GABRG2: variants seen among roughly 807,000 people sequenced by gnomAD.
GABRG2 encodes the protein gamma-aminobutyric acid type A receptor subunit gamma2.
A neutral mutation model predicts 56.4 loss-of-function variants in GABRG2; 16 were observed. The ratio of observed to expected loss-of-function variants is 0.28; its 90% confidence interval spans 0.19 to 0.43. The LOEUF is 0.43. Ranked by LOEUF, GABRG2 falls within the 20% of genes least tolerant of loss-of-function variation. GABRG2 has a pLI of 1.00. For missense variants in GABRG2, 327 were observed against 582.7 expected (o/e 0.56, Z 4.52); for synonymous variants, 208 against 205.5 (o/e 1.01, Z -0.10).
intron 1 of GABRG2, among the ~76,000 whole-genome samples, chr5:162,093,598 A>G (rs957958391): frequency 6.6e-6 from 1 of 152,170 alleles, no homozygotes; most frequent in Non-Finnish European, 1.5e-5. Flanking sequence ...CTGGCAAAAC[A>G]TGGTTTATTT....
At chr5:162,142,838 A>T (rs1317380840) in intron 7 of GABRG2, 1 of 170,000 alleles carries the variant, frequency 5.9e-6, no homozygotes, top group East Asian at 1.5e-4. Flanking sequence ...AGCATGGCAC[A>T]TGTATACATA....
chr5:162,148,728 A>G (rs547466668), intron 7 of GABRG2, among the ~76,000 whole-genome samples: 1 of 152,278 alleles, frequency 6.6e-6, no homozygotes, highest in South Asian at 2.1e-4. Flanking sequence ...TTTACTTTAA[A>G]CATCAACCCC....
At chr5:162,106,996 C>T (rs1396789965) in intron 6 of GABRG2, among the ~76,000 whole-genome samples, 1 of 152,112 alleles carries the variant, frequency 6.6e-6, no homozygotes, top group Non-Finnish European at 1.5e-5. Context: ...CTGATCCTCT[C>T]CTTCCTCCCA....
intron 7 of GABRG2, among the ~76,000 whole-genome samples, chr5:162,145,222 C>T (rs1365748977): frequency 6.6e-6 from 1 of 152,144 alleles, no homozygotes; most frequent in Non-Finnish European, 1.5e-5. Flanking sequence ...GTATGGGCAG[C>T]CACCATCTTG....
At chr5:162,133,452 T>G (rs1040460288) in intron 6 of GABRG2, among the ~76,000 whole-genome samples, 1 of 152,124 alleles carries the variant, frequency 6.6e-6, no homozygotes, top group African/African-American at 2.4e-5. Flanking sequence ...CCTGCGTTTA[T>G]GTAAAACATG....
chr5:162,111,831 T>C (rs1581382293), intron 6 of GABRG2, among the ~76,000 whole-genome samples: 3 of 152,300 alleles, frequency 2.0e-5, no homozygotes, highest in African/African-American at 4.8e-5. Flanking sequence ...TGATTATAGC[T>C]ATTTTTACAG....
intron 2 of GABRG2, chr5:162,094,666 A>ATT (rs1378640364): frequency 6.5e-6 from 1 of 152,778 alleles, no homozygotes; most frequent in Non-Finnish European, 1.5e-5. Context: ...GCAGAGGAAT[A>ATT]GCCTTATCCA....
chr5:162,068,071 G>C lies in GABRG2; in HGVS notation c.72G>C (p.Thr24=), dbSNP rs1343042707. ...CTCCTGTATTTTCACAGAAAATGAC[G>C]GTGTGGATTCTGCTCCTGCTGTCGC... ...YSTPVFSQKM[T]VWILLLLSLY... The change falls in exon 1 of 10, where the codon ACG becomes ACC. Residue 24 remains threonine (T), a synonymous_variant. Transcript: ENST00000639213. 4 of 1,613,350 alleles carry C rather than the reference G, an allele frequency of 2.5e-6. No homozygotes were observed. Among genetic ancestry groups the C allele is most frequent in the Non-Finnish European group, 3.4e-6 (4 of 1,179,714 alleles).
At chr5:162,086,856 G>A (rs989265396) in intron 1 of GABRG2, among the ~76,000 whole-genome samples, 1 of 151,924 alleles carries the variant, frequency 6.6e-6, no homozygotes, top group Admixed American at 6.6e-5. Context: ...CTGTTGACTT[G>A]AGTTCTATTT....
chr5:162,120,336 G>T (rs1267938012), intron 6 of GABRG2, among the ~76,000 whole-genome samples: 1 of 151,946 alleles, frequency 6.6e-6, no homozygotes, highest in African/African-American at 2.4e-5. Flanking sequence ...TCTCTCAGGG[G>T]TTCTTTCTGA....
In GABRG2 at chr5:162,090,455, G is replaced by A. The variant is rs1433555018; in HGVS notation, c.108-3373G>A. ...ATCATTTGTGAAACTTGTTAAAATA[G>A]CAATTCTGATTCCGGGGTCTGGGTG... On this transcript the variant is annotated intron_variant, in intron 1 of 9. Coordinates refer to ENST00000639213, the MANE Select transcript of GABRG2 (RefSeq NM_198904.4). 2.0e-5 allele frequency among the ~76,000 whole-genome samples: 3 copies of A among 151,982 alleles called. No homozygotes were observed. The highest frequency in any genetic ancestry group is 6.6e-5 in the Admixed American group (1 of 15,232).
intron 7 of GABRG2, among the ~76,000 whole-genome samples, chr5:162,148,552 G>T (rs1765127041): frequency 6.6e-6 from 1 of 152,122 alleles, no homozygotes. Context: ...GTCTGCATGT[G>T]CCACATTTTA....
chr5:162,130,106 G>C (rs1763629656), intron 6 of GABRG2, among the ~76,000 whole-genome samples: 1 of 151,820 alleles, frequency 6.6e-6, no homozygotes, highest in African/African-American at 2.4e-5. Flanking sequence ...AGTGTACAGA[G>C]GTTTTAAAAT....
At chr5:162,109,503 A>G (rs1443458334) in intron 6 of GABRG2, among the ~76,000 whole-genome samples, 1 of 148,902 alleles carries the variant, frequency 6.7e-6, no homozygotes, top group Admixed American at 6.7e-5. Context: ...CTGACCCCTT[A>G]CTCCACTACA....
intron 6 of GABRG2, among the ~76,000 whole-genome samples, chr5:162,106,429 T>C (rs1237163361): frequency 6.6e-6 from 1 of 152,162 alleles, no homozygotes; most frequent in Non-Finnish European, 1.5e-5. Flanking sequence ...TTAGTGTTGA[T>C]AACGAAAGGC....
At chr5:162,137,594 T>G (rs1764228414) in intron 6 of GABRG2, among the ~76,000 whole-genome samples, 1 of 152,236 alleles carries the variant, frequency 6.6e-6, no homozygotes. Context: ...AAATGGGAAT[T>G]CTTTATGTAC....
chr5:162,123,743 G>C (rs1763131281), intron 6 of GABRG2, among the ~76,000 whole-genome samples: 1 of 151,830 alleles, frequency 6.6e-6, no homozygotes. Flanking sequence ...TTCTATAGGA[G>C]AGAAGCAGAT....
chr5:162,092,984 T>A (rs1581340204), intron 1 of GABRG2, among the ~76,000 whole-genome samples: 1 of 151,844 alleles, frequency 6.6e-6, no homozygotes, highest in Admixed American at 6.6e-5. Flanking sequence ...GGGGGAGAGG[T>A]AAGCTATAGG....
chr5:162,081,011 A>G (rs1759617518), intron 1 of GABRG2, among the ~76,000 whole-genome samples: 1 of 152,134 alleles, frequency 6.6e-6, no homozygotes, highest in African/African-American at 2.4e-5. Context: ...TGATTTGTGC[A>G]TTAATTGAAT....
Sources: allele counts gnomAD v4.1 joint callset (sites outside exome capture counted in the v4.1 genomes callset), GRCh38; gene constraint gnomAD v4.1.1; transcripts MANE v1.5; gene names NCBI Gene and HGNC (gene_info 2026-07-23, HGNC 2026-07-21).